Variants in VPS8 observed in about 807,000 individuals in gnomAD.
VPS8 encodes vacuolar protein sorting-associated protein 8 homolog.
In VPS8, 129 loss-of-function variants were observed where a neutral mutation model predicts 216.4. The ratio of observed to expected loss-of-function variants is 0.60; its 90% CI spans 0.52 to 0.69. The LOEUF (loss-of-function observed/expected upper bound fraction) is 0.69, where lower values mean the gene tolerates loss of function less well. Among genes scored for constraint, VPS8 ranks in the 30% least tolerant of loss-of-function variants. The pLI is 0.00. For missense variants in VPS8, 1,531 were observed against 1,683.5 expected (o/e 0.91, Z 1.59); for synonymous variants, 571 against 565.4 (o/e 1.01, Z -0.14).
chr3:184,914,051 C>T (rs537267796), intron 26 of VPS8, among the ~76,000 whole-genome samples: 1 of 152,272 alleles, frequency 6.6e-6, no homozygotes, highest in Non-Finnish European at 1.5e-5. Context: ...TCTCCTGACT[C>T]CTGGAGCAGG....
chr3:184,995,901 A>G (rs1257542560), intron 43 of VPS8, among the ~76,000 whole-genome samples: 2 of 152,232 alleles, frequency 1.3e-5, no homozygotes, highest in Non-Finnish European at 2.9e-5. Context: ...ATTACCACGA[A>G]TGCAGTTTCA....
chr3:184,823,448 A>G (rs1718049841), intron 1 of VPS8, among the ~76,000 whole-genome samples: 1 of 152,220 alleles, frequency 6.6e-6, no homozygotes, highest in South Asian at 2.1e-4. Context: ...ATTTACTAAG[A>G]GAAGCTCACT....
chr3:184,918,680 G>A (rs1445824248), intron 28 of VPS8, among the ~76,000 whole-genome samples: 2 of 152,168 alleles, frequency 1.3e-5, no homozygotes, highest in Non-Finnish European at 2.9e-5. Flanking sequence ...TGTCACTGCC[G>A]TAGTTTTTAA....
intron 45 of VPS8, among the ~76,000 whole-genome samples, chr3:185,016,270 G>C (rs1410157740): frequency 7.2e-5 from 11 of 152,190 alleles, no homozygotes; most frequent in African/African-American, 2.7e-4. Context: ...TTAAGGAATA[G>C]TAGTCTGAAT....
At chr3:184,954,586 C>G (rs1392590913) in intron 36 of VPS8, among the ~76,000 whole-genome samples, 1 of 152,142 alleles carries the variant, frequency 6.6e-6, no homozygotes, top group Non-Finnish European at 1.5e-5. Context: ...ATTATATTCC[C>G]ACATAGAGAA....
At chr3:184,845,569 A>G (rs1210012192) in intron 8 of VPS8, among the ~76,000 whole-genome samples, 1 of 151,830 alleles carries the variant, frequency 6.6e-6, no homozygotes, top group East Asian at 1.9e-4. Context: ...AGACCAGTCT[A>G]ACATGGAGAA....
intron 25 of VPS8, among the ~76,000 whole-genome samples, chr3:184,903,445 C>G (rs953792055): frequency 6.6e-6 from 1 of 152,008 alleles, no homozygotes; most frequent in Non-Finnish European, 1.5e-5. Flanking sequence ...CTATTTTTAT[C>G]TTTTTAAAAA....
rs771718570 is a variant in VPS8, at chr3:184,839,727, A to T, written c.510A>T (p.Thr170=). The T allele has an allele frequency of 2.3e-5, 37 of 1,606,288 alleles. No individual in the cohort carries two copies. Among genetic ancestry groups the T allele is most frequent in the Non-Finnish European group, 2.8e-5 (33 of 1,175,906 alleles). ...IAVSSLIAVG[T]SHGLALIFGK... is the part of the protein sequence containing the mutation. Reference sequence around the variant, plus strand: ...TATCCAGTCTGATAGCAGTGGGTACATCTCATGGATTGGCTTTAATATTTG... The same window carrying T: ...TATCCAGTCTGATAGCAGTGGGTACTTCTCATGGATTGGCTTTAATATTTG... The change falls in exon 7 of 48, where the codon ACA becomes ACT. Residue 170 remains threonine (T), a synonymous_variant. Transcript: ENST00000625842.
intron 25 of VPS8, among the ~76,000 whole-genome samples, chr3:184,904,808 A>T (rs1438607010): frequency 6.6e-6 from 1 of 152,208 alleles, no homozygotes; most frequent in Non-Finnish European, 1.5e-5. Context: ...GACAGAATTC[A>T]CTATGAAGCC....
intron 42 of VPS8, 74 bp from the exon 43 acceptor site, chr3:184,993,909 T>C: frequency 8.0e-7 from 1 of 1,250,110 alleles, no homozygotes; most frequent in Non-Finnish European, 1.1e-6. Flanking sequence ...GCATTTGGCT[T>C]TTTCAGATAA....
intron 44 of VPS8, among the ~76,000 whole-genome samples, chr3:184,996,753 G>A (rs1752668031): frequency 6.6e-6 from 1 of 152,016 alleles, no homozygotes; most frequent in Non-Finnish European, 1.5e-5. Context: ...ATGAGTTCAG[G>A]ACAAGTGCTG....
Position 184,937,871 on chromosome 3 carries a change from G to C in VPS8, c.2988+1536G>C, listed in dbSNP as rs534564880. Among the ~76,000 whole-genome samples the C allele has an allele frequency of 2.0e-5, 3 of 152,298 alleles. No individual in the cohort carries two copies. The South Asian group carries it at 6.2e-4, about 32-fold the overall frequency. On this transcript the variant is annotated intron_variant, in intron 35 of 47. Coordinates refer to ENST00000625842, the MANE Select transcript of VPS8 (RefSeq NM_001009921.3). ...GCTGGAGGGGAGGAGCTAAACTAGA[G>C]GGGTTGCAAAATACAGCTTGGAGAC...
intron 47 of VPS8, among the ~76,000 whole-genome samples, chr3:185,051,055 G>A (rs1431682192): frequency 5.3e-5 from 8 of 152,172 alleles, no homozygotes; most frequent in Non-Finnish European, 7.4e-5. Context: ...TGTAGAATTC[G>A]TCTCTCCTCT....
chr3:184,847,902 A>G (rs1560366155), intron 8 of VPS8, among the ~76,000 whole-genome samples: 1 of 152,010 alleles, frequency 6.6e-6, no homozygotes, highest in African/African-American at 2.4e-5. Flanking sequence ...TGCTTTTAGC[A>G]TATTTTGTTT....
chr3:184,973,156 A>G (rs1748702706), intron 40 of VPS8, among the ~76,000 whole-genome samples: 2 of 152,342 alleles, frequency 1.3e-5, no homozygotes, highest in East Asian at 1.9e-4. Flanking sequence ...ATACATACTC[A>G]TCATTTTTAA....
chr3:184,987,157 A>C (rs1410697457), intron 42 of VPS8, among the ~76,000 whole-genome samples: 1 of 152,144 alleles, frequency 6.6e-6, no homozygotes, highest in Non-Finnish European at 1.5e-5. Flanking sequence ...TCTGTCACCC[A>C]GGCTGGAGTA....
At chr3:184,929,531 CA>C in intron 32 of VPS8, 48 bp from the exon 33 acceptor site, 2 of 1,161,320 alleles carry the variant, frequency 1.7e-6, no homozygotes, top group East Asian at 2.6e-5. Flanking sequence ...GCAAATGTCT[CA>C]AAAACCTCCC....
At chr3:184,846,849 C>G (rs1723231063) in intron 8 of VPS8, among the ~76,000 whole-genome samples, 1 of 152,194 alleles carries the variant, frequency 6.6e-6, no homozygotes, top group Non-Finnish European at 1.5e-5. Flanking sequence ...AATCCACTAA[C>G]TATACAGCGT....
At chr3:184,959,441 G>T (rs1746128301) in intron 37 of VPS8, among the ~76,000 whole-genome samples, 1 of 152,008 alleles carries the variant, frequency 6.6e-6, no homozygotes, top group South Asian at 2.1e-4. Flanking sequence ...ATTTGGGAAG[G>T]ATCAGGTATA....
Sources: allele counts gnomAD v4.1 joint callset (sites outside exome capture counted in the v4.1 genomes callset), GRCh38; gene constraint gnomAD v4.1.1; transcripts MANE v1.5; gene names NCBI Gene and HGNC (gene_info 2026-07-23, HGNC 2026-07-21).